NAV2: variants seen among roughly 807,000 people sequenced by gnomAD.
The protein encoded by NAV2 is helicase, APC down-regulated 1.
In NAV2, 54 loss-of-function variants were observed where a neutral mutation model predicts 223.2. That is an observed-to-expected ratio of 0.24 (90% confidence interval 0.19 to 0.30). The LOEUF is 0.30. Ranked by LOEUF, NAV2 falls within the 10% of genes least tolerant of loss-of-function variation. NAV2 has a pLI of 1.00. For missense variants in NAV2, 2,806 were observed against 3,147.5 expected (o/e 0.89, Z 2.60); for synonymous variants, 1,279 against 1,239.3 (o/e 1.03, Z -0.67).
intron 1 of NAV2, among the ~76,000 whole-genome samples, chr11:19,666,865 G>A (rs1452414545): frequency 6.6e-6 from 1 of 152,138 alleles, no homozygotes; most frequent in Non-Finnish European, 1.5e-5. Flanking sequence ...CAGACTAACT[G>A]AATCAGAATT....
chr11:19,930,654 A>C (rs893574346), intron 6 of NAV2, among the ~76,000 whole-genome samples: 7 of 152,258 alleles, frequency 4.6e-5, no homozygotes, highest in African/African-American at 1.7e-4. Context: ...AGTACCTAAA[A>C]CAGTATCTGA....
At chr11:19,943,933 C>T (rs2046617775) in intron 8 of NAV2, among the ~76,000 whole-genome samples, 1 of 133,584 alleles carries the variant, frequency 7.5e-6, no homozygotes, top group Non-Finnish European at 1.7e-5. Flanking sequence ...TGTGGTGGCT[C>T]ACGCCTGTAA....
intron 1 of NAV2, among the ~76,000 whole-genome samples, chr11:19,811,060 A>C (rs1474980778): frequency 6.6e-6 from 1 of 152,230 alleles, no homozygotes; most frequent in East Asian, 1.9e-4. Context: ...GGAATGACAC[A>C]CAGCAACACT....
intron 1 of NAV2, among the ~76,000 whole-genome samples, chr11:19,580,329 T>C (rs928620543): frequency 6.8e-6 from 1 of 147,972 alleles, no homozygotes; most frequent in Admixed American, 6.6e-5. Flanking sequence ...ATCACATTTT[T>C]CTTTCTTTTT....
chr11:19,972,193 G>T (rs2049308109), intron 10 of NAV2, among the ~76,000 whole-genome samples: 1 of 152,160 alleles, frequency 6.6e-6, no homozygotes. Flanking sequence ...AAAACATTGG[G>T]CCTTGAACAT....
At chr11:19,738,586 AG>A (rs1275845732) in intron 1 of NAV2, among the ~76,000 whole-genome samples, 4 of 152,210 alleles carry the variant, frequency 2.6e-5, no homozygotes, top group African/African-American at 9.6e-5. Context: ...TCCTGACACC[AG>A]GTTTGGCTGA....
At chr11:19,860,387 C>T (rs1288870896) in intron 3 of NAV2, among the ~76,000 whole-genome samples, 8 of 148,884 alleles carry the variant, frequency 5.4e-5, no homozygotes, top group Admixed American at 1.3e-4. Context: ...CCTCACATCC[C>T]GGACGGGGCG....
rs141942446 is a variant in NAV2 at position 19,838,173 on chromosome 11, G to A, written c.386-4698G>A. On this transcript the variant is annotated intron_variant, in intron 2 of 37. Coordinates refer to ENST00000349880, the MANE Select transcript of NAV2 (RefSeq NM_145117.5). ...AAAAAGAAAACATATCTAAATGAAG[G>A]CCTATCAAAATCTGTAGGCAGCACG... Among the ~76,000 whole-genome samples the A allele has an allele frequency of 2.5e-3, 388 of 152,230 alleles. 2 individuals carry two copies. Among genetic ancestry groups the A allele is most frequent in the African/African-American group, 8.8e-3 (365 of 41,530 alleles).
chr11:19,500,133 G>A (rs928697769), intron 1 of NAV2, among the ~76,000 whole-genome samples: 11 of 152,182 alleles, frequency 7.2e-5, no homozygotes, highest in East Asian at 3.9e-4. Flanking sequence ...TGGTATTTTC[G>A]GAGATATGTC....
intron 1 of NAV2, among the ~76,000 whole-genome samples, chr11:19,449,588 A>G (rs1442275471): frequency 3.1e-5 from 4 of 129,026 alleles, no homozygotes; most frequent in Non-Finnish European, 6.4e-5. Context: ...GACTGAGAGC[A>G]AGGGAAGAAT....
At chr11:19,521,435 C>T (rs990576989) in intron 1 of NAV2, among the ~76,000 whole-genome samples, 9 of 152,104 alleles carry the variant, frequency 5.9e-5, no homozygotes, top group African/African-American at 1.4e-4. Flanking sequence ...AGTGATGGGA[C>T]ATTTAGTTTC....
At chr11:19,488,332 G>T (rs768145084) in intron 1 of NAV2, among the ~76,000 whole-genome samples, 21 of 152,230 alleles carry the variant, frequency 1.4e-4, no homozygotes, top group Non-Finnish European at 2.5e-4. Flanking sequence ...TAACACTTCA[G>T]TGCATTTGAG....
chr11:19,561,469 C>A (rs951052870), intron 1 of NAV2, among the ~76,000 whole-genome samples: 2 of 152,146 alleles, frequency 1.3e-5, no homozygotes, highest in African/African-American at 4.8e-5. Flanking sequence ...ATAGCAAAGG[C>A]CACTTGAACT....
chr11:19,453,419 G>A (rs570274266), intron 1 of NAV2, among the ~76,000 whole-genome samples: 6 of 152,300 alleles, frequency 3.9e-5, no homozygotes, highest in Admixed American at 3.9e-4. Context: ...AGTGCTACCG[G>A]GCAGCAAGAT....
chr11:19,532,553 T>A (rs2044057622), intron 1 of NAV2, among the ~76,000 whole-genome samples: 1 of 152,130 alleles, frequency 6.6e-6, no homozygotes, highest in African/African-American at 2.4e-5. Flanking sequence ...TATATTAATA[T>A]AATCACTAAT....
chr11:19,601,037 T>C (rs2046337743), intron 1 of NAV2, among the ~76,000 whole-genome samples: 1 of 152,222 alleles, frequency 6.6e-6, no homozygotes, highest in Non-Finnish European at 1.5e-5. Context: ...GATACAGTCT[T>C]GTTCTCTCAA....
At chr11:19,902,076 C>T (rs559706442) in intron 6 of NAV2, among the ~76,000 whole-genome samples, 1 of 152,262 alleles carries the variant, frequency 6.6e-6, no homozygotes, top group African/African-American at 2.4e-5. Flanking sequence ...TGGAGGAGAG[C>T]ACTGTCCTGT....
intron 20 of NAV2, among the ~76,000 whole-genome samples, chr11:20,067,466 TG>T (rs1340327891): frequency 2.0e-5 from 3 of 152,066 alleles, no homozygotes; most frequent in African/African-American, 7.2e-5. Flanking sequence ...TAATATTGCA[TG>T]GGACATATTA....
chr11:19,984,497 G>A (rs1450613348), intron 11 of NAV2, among the ~76,000 whole-genome samples: 1 of 152,146 alleles, frequency 6.6e-6, no homozygotes, highest in Non-Finnish European at 1.5e-5. Flanking sequence ...TCAGGCTTGG[G>A]TGGTTTTGGT....
Sources: gnomAD v4.1 joint callset for allele counts (sites outside exome capture counted in the v4.1 genomes callset) on GRCh38, gnomAD v4.1.1 for gene constraint, MANE v1.5 for transcripts, NCBI Gene and HGNC (gene_info 2026-07-23, HGNC 2026-07-21) for gene names.